Variants in MACF1 observed in about 807,000 individuals in gnomAD.
MACF1 encodes microtubule-actin cross-linking factor 1.
A neutral mutation model predicts 854.8 loss-of-function variants in MACF1; 193 were observed. That is an observed-to-expected ratio of 0.23 (90% confidence interval 0.20 to 0.25). The LOEUF (loss-of-function observed/expected upper bound fraction) is 0.25. Among genes scored for constraint, MACF1 ranks in the 10% least tolerant of loss-of-function variants. MACF1 has a pLI of 1.00. For synonymous variants in MACF1, 3,185 were observed against 3,226.7 expected (o/e 0.99, Z 0.44); for missense variants, 7,722 against 8,929.1 (o/e 0.86, Z 5.45).
intron 58 of MACF1, chr1:39,413,159 C>G (rs761023006): frequency 2.5e-6 from 4 of 1,613,152 alleles, no homozygotes; most frequent in Non-Finnish European, 3.4e-6. Context: ...GTACCCATCA[C>G]AGAGGAGGAT....
rs550977246 is a variant in MACF1 at position 39,478,672 on chromosome 1, A to G, written c.21959-1126A>G. ...TGATTTAAAACACTGATTCTACCAAAATTCCTCAAATTCCTTAAGGGACAT... is the reference window on the plus strand; with the variant it reads ...TGATTTAAAACACTGATTCTACCAAGATTCCTCAAATTCCTTAAGGGACAT... On this transcript the variant is annotated intron_variant, in intron 97 of 100. Coordinates refer to ENST00000564288, the MANE Select transcript of MACF1 (RefSeq NM_001394062.1). 2.6e-5 allele frequency among the ~76,000 whole-genome samples: 4 copies of G among 152,328 alleles called. No homozygotes were observed. In the South Asian group the frequency reaches 8.3e-4, roughly 32 times the overall value.
chr1:39,220,261 C>T (rs928396405), intron 1 of MACF1, among the ~76,000 whole-genome samples: 1 of 151,736 alleles, frequency 6.6e-6, no homozygotes, highest in Non-Finnish European at 1.5e-5. Flanking sequence ...CAACCTCTGC[C>T]TCCCAGGTTC....
intron 58 of MACF1, chr1:39,414,112 C>G (rs575949451): frequency 6.2e-7 from 1 of 1,607,502 alleles, no homozygotes; most frequent in Admixed American, 1.7e-5. Flanking sequence ...GCCTGCCTCC[C>G]CAGCAGCTGC....
intron 15 of MACF1, among the ~76,000 whole-genome samples, chr1:39,289,850 C>T (rs535170433): frequency 1.3e-4 from 19 of 151,598 alleles, no homozygotes; most frequent in South Asian, 1.0e-3. Context: ...TACAGGCACG[C>T]GCCACCATGC....
At position 39,332,829 on chromosome 1, in the gene MACF1, C is replaced by T. The variant is rs1646750662; in HGVS notation, c.6241C>T (p.Leu2081=). ...DSSVENPEQD[L]FVEQKERNPN... ...TTCTGTAGAGAACCCTGAACAGGAT[C>T]TGTTTGTAGAACAAAAAGAGAGAAA... is the stretch of plus-strand genomic sequence containing the variant. Residue 2081 remains leucine (L), a synonymous_variant, in exon 37 of 101, where the codon CTG becomes TTG. Transcript: ENST00000564288. The T allele has an allele frequency of 1.9e-6, 3 of 1,614,082 alleles. No homozygotes were observed. The Admixed American group carries it at 5.0e-5, about 27-fold the overall frequency.
rs2148553360 is a variant in MACF1 at position 39,379,313 on chromosome 1, G to A, written c.13387G>A (p.Glu4463Lys). 14 of 1,614,094 alleles carry A rather than the reference G, an allele frequency of 8.7e-6. No individual in the cohort carries two copies. Among genetic ancestry groups the A allele is most frequent in the Non-Finnish European group, 1.2e-5 (14 of 1,180,016 alleles). ...CCTTCAGGCTATCCTCAACAGAATG[G>A]AGGAGGTTCACAAGGAGGCAAACTC... ...ESLQAILNRM[E>K]EVHKEANSVL... is the part of the protein sequence containing the mutation. Residue 4463 changes from glutamate to lysine, a missense_variant, in exon 54 of 101, where the codon GAG becomes AAG. Physicochemically the swap from Glu to Lys is moderately conservative, Grantham distance 56. Around this residue, in one of 15 missense-constraint regions of MACF1, gnomAD observed 2,807 missense variants for 3,235.8 expected, o/e 0.87. Transcript: ENST00000564288.
At chr1:39,196,230 C>G (rs577800920) in intron 2 of MACF1, among the ~76,000 whole-genome samples, 1 of 152,100 alleles carries the variant, frequency 6.6e-6, no homozygotes, top group Non-Finnish European at 1.5e-5. Context: ...CTTATAATTT[C>G]CATGCTACTA....
In MACF1 at chr1:39,281,134, C is replaced by G. The variant is rs375356769; in HGVS notation, c.529-1074C>G. 5.9e-5 allele frequency among the ~76,000 whole-genome samples: 9 copies of G among 152,254 alleles called. No homozygotes were observed. The East Asian group carries it at 1.2e-3, about 20-fold the overall frequency. ...TTTCCTCACCTGCATTATGATCTCCCTAAAATAGGTCTTGTGCTGTATTTT... is the reference window on the plus strand; with the variant it reads ...TTTCCTCACCTGCATTATGATCTCCGTAAAATAGGTCTTGTGCTGTATTTT... On this transcript the variant is annotated intron_variant, in intron 6 of 100. Coordinates refer to ENST00000564288, the MANE Select transcript of MACF1 (RefSeq NM_001394062.1).
chr1:39,093,857 G>C (rs1641872701), intron 2 of MACF1, among the ~76,000 whole-genome samples: 1 of 151,590 alleles, frequency 6.6e-6, no homozygotes, highest in Non-Finnish European at 1.5e-5. Flanking sequence ...GTGTGAACTT[G>C]GCTCACTGCA....
At chr1:39,284,026 A>G in intron 9 of MACF1, 40 bp from the exon 10 acceptor site, 1 of 1,602,516 alleles carries the variant, frequency 6.2e-7, no homozygotes, top group Admixed American at 1.8e-5. Flanking sequence ...TGTTTTGGAT[A>G]TTGCTAATCA....
chr1:39,227,764 C>A (rs1328729857), intron 1 of MACF1, among the ~76,000 whole-genome samples: 3 of 152,192 alleles, frequency 2.0e-5, no homozygotes, highest in Non-Finnish European at 4.4e-5. Context: ...TAATTATGTG[C>A]AGTTCTTTGA....
chr1:39,453,678 G>C, intron 87 of MACF1, 29 bp from the exon 88 acceptor site: 1 of 1,610,172 alleles, frequency 6.2e-7, no homozygotes, highest in Non-Finnish European at 8.5e-7. Flanking sequence ...GACTTTTTAC[G>C]TTTTTGTTTT....
intron 2 of MACF1, among the ~76,000 whole-genome samples, chr1:39,244,765 T>C (rs1362635376): frequency 6.6e-6 from 1 of 151,850 alleles, no homozygotes; most frequent in Non-Finnish European, 1.5e-5. Context: ...TTTTAGTAGA[T>C]AAAAGGTTTT....
rs913705955 is a variant in MACF1 at position 39,105,575 on chromosome 1, C to T, written c.220+21137C>T. On this transcript the variant is annotated intron_variant, in intron 2 of 93. Coordinates refer to the MACF1 transcript ENST00000361689. The surrounding 1 kb of genome is among the most constrained non-coding windows in gnomAD (Gnocchi z 5.9). ...GCCGCCGCCGCCTCAGCGCGCGGGC[C>T]TGGAACCGGCAGCCCCCGGGGCTCG... 27 of 1,178,184 alleles carry T rather than the reference C, an allele frequency of 2.3e-5. No individual in the cohort carries two copies. Among genetic ancestry groups the T allele is most frequent in the Non-Finnish European group, 2.7e-5 (25 of 932,774 alleles). The allele number at this position is 1,178,184 out of a possible 1,614,324, so 73.0% of individuals were successfully genotyped here.
At chr1:39,327,841 G>C (rs1646645339) in intron 36 of MACF1, among the ~76,000 whole-genome samples, 2 of 152,156 alleles carry the variant, frequency 1.3e-5, no homozygotes, top group Non-Finnish European at 1.5e-5. Flanking sequence ...CTCACCCATA[G>C]TCATCTCATC....
At chr1:39,266,632 A>G (rs1435700736) in intron 6 of MACF1, among the ~76,000 whole-genome samples, 2 of 118,026 alleles carry the variant, frequency 1.7e-5, no homozygotes, top group Non-Finnish European at 3.3e-5. Flanking sequence ...GGTCTCCAGG[A>G]AAGATAGTTA....
In MACF1 at chr1:39,331,464, A is replaced by G. The variant is rs1646724850; in HGVS notation, c.4876A>G (p.Thr1626Ala). ...TGCCCTGGCCTTAATAAGCAGGCTT[A>G]CTGAGAGCAGAGGCCCTCTTTCTGT... ...QDALALISRL[T>A]ESRGPLSVVE... The change falls in exon 37 of 101, where the codon ACT (threonine) becomes GCT (alanine). Residue 1626 changes from threonine (T) to alanine (A), a missense_variant. By Grantham distance (58) the Thr-to-Ala change is moderately conservative. Transcript: ENST00000564288. 5 of 1,614,096 alleles carry G rather than the reference A, an allele frequency of 3.1e-6. No homozygotes were observed. The highest frequency in any genetic ancestry group is 3.4e-6 in the Non-Finnish European group (4 of 1,180,032).
intron 4 of MACF1, 51 bp from the exon 5 acceptor site, chr1:39,254,247 T>C (rs765972327): frequency 2.1e-6 from 3 of 1,440,908 alleles, no homozygotes; most frequent in South Asian, 1.1e-5. Flanking sequence ...AGGGTCTGTA[T>C]GGTTAAATTG....
chr1:39,086,007 A>G (rs1395227896), intron 2 of MACF1, among the ~76,000 whole-genome samples: 6 of 152,184 alleles, frequency 3.9e-5, no homozygotes, highest in African/African-American at 1.4e-4. Context: ...CCGCTCTCAC[A>G]GTCATACTTT....
Sources: allele counts gnomAD v4.1 joint callset (sites outside exome capture counted in the v4.1 genomes callset), GRCh38; gene constraint gnomAD v4.1.1; regional missense constraint gnomAD v4.1.1; non-coding constraint Gnocchi (gnomAD v3.1); transcripts MANE v1.5; gene names NCBI Gene and HGNC (gene_info 2026-07-23, HGNC 2026-07-21).